ARHGEF4: variants seen among roughly 807,000 people sequenced by gnomAD.
The protein encoded by ARHGEF4 is APC-stimulated guanine nucleotide exchange factor 1.
Under a neutral mutation model 162.0 loss-of-function variants are expected in ARHGEF4, and 119 were observed. The ratio of observed to expected loss-of-function variants is 0.73; its 90% CI spans 0.63 to 0.86. The LOEUF is 0.86. ARHGEF4 is among the 40% of genes least tolerant of loss of function. The pLI is 0.00. For synonymous variants in ARHGEF4, 1,014 were observed against 979.9 expected (o/e 1.03, Z -0.65); for missense variants, 2,488 against 2,456.0 (o/e 1.01, Z -0.28).
At chr2:130,899,417 G>A (rs531363258) in intron 1 of ARHGEF4, among the ~76,000 whole-genome samples, 68 of 152,324 alleles carry the variant, frequency 4.5e-4, no homozygotes, top group African/African-American at 1.2e-3. Flanking sequence ...TGAAGCCAGG[G>A]CAGTTCCCTG....
At chr2:131,044,220 T>C in intron 11 of ARHGEF4, 79 bp from the exon 12 acceptor site, 1 of 1,562,576 alleles carries the variant, frequency 6.4e-7, no homozygotes, top group South Asian at 1.2e-5. Context: ...CTCCTATGGC[T>C]GGGGAGAGGA....
intron 4 of ARHGEF4, among the ~76,000 whole-genome samples, chr2:130,950,532 C>G (rs994636143): frequency 1.3e-5 from 2 of 152,198 alleles, no homozygotes; most frequent in African/African-American, 4.8e-5. Flanking sequence ...TCTCTAGTTA[C>G]TAGTAAAGGA....
chr2:130,923,233 A>G (rs1682002073), intron 2 of ARHGEF4, among the ~76,000 whole-genome samples: 1 of 152,150 alleles, frequency 6.6e-6, no homozygotes, highest in Admixed American at 6.5e-5. Flanking sequence ...CCTGGGCATA[A>G]TGATATCTTT....
intron 4 of ARHGEF4, among the ~76,000 whole-genome samples, chr2:131,003,852 T>A (rs1687932328): frequency 6.6e-6 from 1 of 152,190 alleles, no homozygotes; most frequent in African/African-American, 2.4e-5. Context: ...TCGATGGGCT[T>A]AATTAGAAAG....
chr2:130,899,236 T>TA (rs1292579984), intron 1 of ARHGEF4, among the ~76,000 whole-genome samples: 1 of 152,212 alleles, frequency 6.6e-6, no homozygotes, highest in African/African-American at 2.4e-5. Flanking sequence ...ATGGGCATGA[T>TA]ACCAGGAGGG....
At chr2:131,010,958 T>G (rs6430514) in intron 4 of ARHGEF4, among the ~76,000 whole-genome samples, 123,873 of 152,162 alleles carry the variant, frequency 0.81, 54,503 homozygotes, top group Non-Finnish European at 0.97. Flanking sequence ...TTAATGTCTT[T>G]AGAAAAAAAG....
chr2:130,907,315 C>T lies in ARHGEF4; in HGVS notation c.40-6671C>T, dbSNP rs974229002. On this transcript the variant is annotated intron_variant, in intron 1 of 13. Transcript: ENST00000409359. ...CTGCAAGCTCCGCCTCCTGGGTTCACGCCATTCTCCTGCCTCAGCCTCCTG... is the reference window on the plus strand; with the variant it reads ...CTGCAAGCTCCGCCTCCTGGGTTCATGCCATTCTCCTGCCTCAGCCTCCTG... Among the ~76,000 whole-genome samples, 48 of 150,620 alleles carry T rather than the reference C, an allele frequency of 3.2e-4. No individual in the cohort carries two copies. In the Middle Eastern group the frequency reaches 0.01, roughly 32 times the overall value.
At chr2:130,926,014 C>CTCTTTCTTCCTTTCTTTCTTTCTT (rs1553514613) in intron 2 of ARHGEF4, among the ~76,000 whole-genome samples, 34 of 97,268 alleles carry the variant, frequency 3.5e-4, no homozygotes, top group African/African-American at 1.6e-3. Flanking sequence ...TTGGTTTTCT[C>CTCTTTCTTCCTTTCTTTCTTTCTT]TCTTTCTTTC....
intron 10 of ARHGEF4, among the ~76,000 whole-genome samples, chr2:131,043,184 C>T (rs1690953409): frequency 6.6e-6 from 1 of 152,232 alleles, no homozygotes; most frequent in South Asian, 2.1e-4. Context: ...CTTACACTGA[C>T]ATCACATCTA....
chr2:131,015,144 G>T lies in ARHGEF4; in HGVS notation c.3986-12801G>T, dbSNP rs548988250. On this transcript the variant is annotated intron_variant, in intron 4 of 13. Transcript: ENST00000409359. ...TTTCCCCCCACCAGGAAGAGAACTG[G>T]GAGACGAAGGAGCCTGAGAGAAGTT... 1.2e-4 allele frequency among the ~76,000 whole-genome samples: 18 copies of T among 152,302 alleles called. No homozygotes were observed. In the South Asian group the frequency reaches 3.5e-3, roughly 30 times the overall value.
intron 1 of ARHGEF4, among the ~76,000 whole-genome samples, chr2:130,912,490 C>A (rs1361369445): frequency 6.6e-6 from 1 of 152,236 alleles, no homozygotes; most frequent in Non-Finnish European, 1.5e-5. Context: ...CTTAAGAGCA[C>A]TGGCTTTGGT....
At position 130,989,709 on chromosome 2, in the gene ARHGEF4, T is replaced by A. The variant is rs568468921; in HGVS notation, c.3986-38236T>A. Among the ~76,000 whole-genome samples the A allele has an allele frequency of 2.6e-5, 4 of 152,332 alleles. No individual in the cohort carries two copies. In the South Asian group the frequency reaches 8.3e-4, roughly 32 times the overall value. ...CACCCTGTAGCCTCCCTTCCATATT[T>A]CTGCTGGTATGATTTGTGAGTGGGG... is the stretch of plus-strand genomic sequence containing the variant. On this transcript the variant is annotated intron_variant, in intron 4 of 13. Transcript: ENST00000409359.
intron 1 of ARHGEF4, among the ~76,000 whole-genome samples, chr2:130,876,077 C>T (rs978287690): frequency 6.6e-6 from 1 of 152,212 alleles, no homozygotes; most frequent in African/African-American, 2.4e-5. Flanking sequence ...AGCCAGGAAC[C>T]TTACCTTCTA....
chr2:130,995,963 T>C (rs190600276), intron 4 of ARHGEF4, among the ~76,000 whole-genome samples: 33 of 151,580 alleles, frequency 2.2e-4, no homozygotes, highest in South Asian at 2.1e-4. Flanking sequence ...GATCTCGGCT[T>C]ACTGCAACCT....
chr2:130,926,810 ATTTTTTTTTT>A (rs55904944), intron 2 of ARHGEF4, among the ~76,000 whole-genome samples: 1,072 of 48,998 alleles, frequency 0.022, 58 homozygotes, highest in Non-Finnish European at 0.029. Flanking sequence ...CTTCTGGCTG[ATTTTTTTTTT>A]TTTTTTTTTT....
intron 4 of ARHGEF4, 139 bp downstream of exon 4, chr2:130,946,774 C>T: frequency 7.9e-7 from 1 of 1,261,852 alleles, no homozygotes. Flanking sequence ...TTGTCCTCTT[C>T]CTTCAGTTAG....
intron 4 of ARHGEF4, among the ~76,000 whole-genome samples, chr2:130,990,075 A>G (rs1686840955): frequency 1.3e-5 from 2 of 152,386 alleles, no homozygotes; most frequent in Admixed American, 6.5e-5. Context: ...GGTACAGGAA[A>G]TTAGCCCACT....
At chr2:130,946,258 C>T (rs908328740) in intron 3 of ARHGEF4, among the ~76,000 whole-genome samples, 1 of 152,188 alleles carries the variant, frequency 6.6e-6, no homozygotes, top group South Asian at 2.1e-4. Context: ...AAGACCTTCT[C>T]CACAGTCCTG....
At chr2:130,969,455 C>T (rs970090752) in intron 4 of ARHGEF4, among the ~76,000 whole-genome samples, 2 of 151,866 alleles carry the variant, frequency 1.3e-5, no homozygotes, top group Non-Finnish European at 2.9e-5. Context: ...AAAAATTAGC[C>T]GGGCATGGTG....
Sources: allele counts gnomAD v4.1 joint callset (sites outside exome capture counted in the v4.1 genomes callset), GRCh38; gene constraint gnomAD v4.1.1; transcripts MANE v1.5; gene names NCBI Gene and HGNC (gene_info 2026-07-23, HGNC 2026-07-21).